Variants in SUGCT observed in about 807,000 individuals in gnomAD.
SUGCT encodes the protein succinyl-CoA:glutarate CoA-transferase.
Under a neutral mutation model 55.0 loss-of-function variants are expected in SUGCT, and 41 were observed. The ratio of observed to expected loss-of-function variants is 0.74; its 90% CI spans 0.58 to 0.97. The LOEUF (loss-of-function observed/expected upper bound fraction) is 0.97. SUGCT is among the 50% of genes least tolerant of loss of function. SUGCT has a pLI of 0.00. For missense variants in SUGCT, 568 were observed against 547.8 expected, an observed-to-expected ratio of 1.04 and a Z score of -0.37; for synonymous variants, 187 against 200.4, an observed-to-expected ratio of 0.93 and a Z score of 0.56.
intron 12 of SUGCT, among the ~76,000 whole-genome samples, chr7:40,591,781 A>G (rs542497399): frequency 3.9e-5 from 6 of 152,324 alleles, no homozygotes; most frequent in African/African-American, 1.4e-4. Flanking sequence ...GATGGAACAG[A>G]TGATTGTTAG....
At chr7:40,700,920 C>T (rs574913363) in intron 12 of SUGCT, among the ~76,000 whole-genome samples, 1 of 152,280 alleles carries the variant, frequency 6.6e-6, no homozygotes, top group African/African-American at 2.4e-5. Context: ...AACCAAACCT[C>T]CCCTCTCTTG....
At chr7:40,654,547 A>G (rs1270937167) in intron 12 of SUGCT, among the ~76,000 whole-genome samples, 1 of 152,230 alleles carries the variant, frequency 6.6e-6, no homozygotes, top group Admixed American at 6.5e-5. Context: ...AACAGAGTGT[A>G]ACGAGAGCAA....
At chr7:40,709,497 G>A (rs892646246) in intron 12 of SUGCT, among the ~76,000 whole-genome samples, 3 of 152,228 alleles carry the variant, frequency 2.0e-5, no homozygotes, top group African/African-American at 7.2e-5. Flanking sequence ...TCACAGGGCT[G>A]TATTGCCCTG....
chr7:40,176,325 G>A (rs1295077923), intron 1 of SUGCT, among the ~76,000 whole-genome samples: 1 of 152,090 alleles, frequency 6.6e-6, no homozygotes, highest in African/African-American at 2.4e-5. Context: ...TGTACAATGA[G>A]TCAGTAAAAG....
chr7:40,640,492 T>A (rs1800222050), intron 12 of SUGCT, among the ~76,000 whole-genome samples: 1 of 152,236 alleles, frequency 6.6e-6, no homozygotes. Context: ...ACTTGAAGAC[T>A]CAGCCACAGC....
chr7:40,787,987 G>T (rs1407035172), intron 13 of SUGCT, among the ~76,000 whole-genome samples: 1 of 152,072 alleles, frequency 6.6e-6, no homozygotes, highest in African/African-American at 2.4e-5. Flanking sequence ...TTAGAGACCA[G>T]GGGGGAAAGC....
At chr7:40,578,370 CTCT>C (rs1359275823) in intron 12 of SUGCT, among the ~76,000 whole-genome samples, 2 of 152,206 alleles carry the variant, frequency 1.3e-5, no homozygotes, top group African/African-American at 4.8e-5. Context: ...CCACTCCTCA[CTCT>C]TCTTGGCCCC....
the SUGCT span, among the ~76,000 whole-genome samples, chr7:40,882,467 C>G: frequency 6.6e-6 from 1 of 152,136 alleles, no homozygotes; most frequent in Non-Finnish European, 1.5e-5. Flanking sequence ...TAGAATGTAT[C>G]TTATTGGTAG....
At chr7:41,035,684 T>C in the SUGCT span, among the ~76,000 whole-genome samples, 1 of 152,210 alleles carries the variant, frequency 6.6e-6, no homozygotes, top group Non-Finnish European at 1.5e-5. Flanking sequence ...AGCTAAACTA[T>C]CTTAAAATGG....
the SUGCT span, among the ~76,000 whole-genome samples, chr7:40,907,819 A>G: frequency 4.6e-4 from 70 of 152,344 alleles, no homozygotes; most frequent in Admixed American, 1.7e-3. Flanking sequence ...GTAATCTAAG[A>G]TAAGTTTGAC....
intron 7 of SUGCT, among the ~76,000 whole-genome samples, chr7:40,249,688 T>C (rs1194952826): frequency 1.3e-5 from 2 of 152,116 alleles, no homozygotes; most frequent in African/African-American, 2.4e-5. Context: ...AACATGACAC[T>C]GCTTAAATAT....
At chr7:40,565,185 C>T (rs1226207445) in intron 12 of SUGCT, among the ~76,000 whole-genome samples, 1 of 152,192 alleles carries the variant, frequency 6.6e-6, no homozygotes, top group Non-Finnish European at 1.5e-5. Flanking sequence ...CAATTTTTTA[C>T]CATTACTCAT....
At chr7:40,139,155 T>TC (rs1157378738) in intron 1 of SUGCT, among the ~76,000 whole-genome samples, 1,812 of 150,986 alleles carry the variant, frequency 0.012, 41 homozygotes, top group African/African-American at 0.041. Flanking sequence ...AATAAATAAA[T>TC]AAATAAATAA....
chr7:40,325,903 TTTTTTGTTTG>T lies in SUGCT; in HGVS notation c.816+9055_816+9064del, dbSNP rs1283061838. 4.2e-3 allele frequency among the ~76,000 whole-genome samples: 598 copies of T among 142,794 alleles called. 6 individuals are homozygous for T. The highest frequency in any genetic ancestry group is 0.014 in the African/African-American group (550 of 39,648). 93.7% of individuals were successfully genotyped at this position (142,794 alleles called of 152,430 possible). ...GATGCATCATGGATGTGCGTCTTTT[TTTTTTGTTTG>T]TTTTTGGCAGATTCTAGAATTCTTC... On this transcript the variant is annotated intron_variant, in intron 9 of 13. Coordinates refer to ENST00000335693, the MANE Select transcript of SUGCT (RefSeq NM_001193313.2).
chr7:40,936,838 A>G, the SUGCT span, among the ~76,000 whole-genome samples: 98 of 151,882 alleles, frequency 6.5e-4, 1 homozygote, highest in Non-Finnish European at 1.3e-3. Flanking sequence ...AGTTTTTCTT[A>G]TGATTTCTTT....
the SUGCT span, among the ~76,000 whole-genome samples, chr7:40,927,547 C>T: frequency 6.6e-6 from 1 of 152,138 alleles, no homozygotes; most frequent in African/African-American, 2.4e-5. Flanking sequence ...TACTTCAGAC[C>T]TGGGAAAACT....
At chr7:40,960,377 G>A in the SUGCT span, among the ~76,000 whole-genome samples, 1 of 152,108 alleles carries the variant, frequency 6.6e-6, no homozygotes, top group Non-Finnish European at 1.5e-5. Context: ...TGTCCCCACA[G>A]GTTTATTCTT....
At chr7:40,493,618 C>A (rs2151513601) in intron 11 of SUGCT, among the ~76,000 whole-genome samples, 1 of 152,228 alleles carries the variant, frequency 6.6e-6, no homozygotes, top group Admixed American at 6.5e-5. Flanking sequence ...TAGTAAGTTG[C>A]CAATTAAATT....
intron 12 of SUGCT, among the ~76,000 whole-genome samples, chr7:40,612,779 G>A (rs756057616): frequency 2.0e-5 from 3 of 152,208 alleles, no homozygotes; most frequent in Non-Finnish European, 4.4e-5. Flanking sequence ...TAGCTAACAT[G>A]ATTATTAGAA....
Sources: allele counts gnomAD v4.1 joint callset (sites outside exome capture counted in the v4.1 genomes callset), GRCh38; gene constraint gnomAD v4.1.1; transcripts MANE v1.5; gene names NCBI Gene and HGNC (gene_info 2026-07-23, HGNC 2026-07-21).